OTUD4: variants seen among roughly 807,000 people sequenced by gnomAD.
The protein encoded by OTUD4 is OTU domain-containing protein 4.
OTUD4 carries 24 observed loss-of-function variants against 130.4 expected under a neutral mutation model. That is an observed-to-expected ratio of 0.18 (90% CI 0.13 to 0.26). OTUD4 has a LOEUF of 0.26. Among genes scored for constraint, OTUD4 ranks in the 10% least tolerant of loss-of-function variants. The probability of loss-of-function intolerance (pLI) is 1.00; values close to 1 mark genes in which losing one functional copy is unlikely to be tolerated. For synonymous variants in OTUD4, 420 were observed against 472.5 expected (o/e 0.89, Z 1.44); for missense variants, 1,031 against 1,329.4 (o/e 0.78, Z 3.49).
chr4:145,145,674 G>C (rs1750786357), intron 14 of OTUD4, among the ~76,000 whole-genome samples: 2 of 152,276 alleles, frequency 1.3e-5, no homozygotes, highest in South Asian at 4.1e-4. Flanking sequence ...CCCCTCCTCT[G>C]TGCTGCCAAC....
intron 13 of OTUD4, among the ~76,000 whole-genome samples, chr4:145,150,197 T>C (rs1457367884): frequency 6.6e-6 from 1 of 152,142 alleles, no homozygotes; most frequent in Non-Finnish European, 1.5e-5. Flanking sequence ...CAATCTGGAA[T>C]CCAGTATTTA....
At chr4:145,170,709 C>A (rs1025235762) in intron 3 of OTUD4, 2 of 152,248 alleles carry the variant, frequency 1.3e-5, no homozygotes, top group Non-Finnish European at 2.9e-5. Flanking sequence ...ATGGATACAT[C>A]AGTCATCGAT....
intron 3 of OTUD4, among the ~76,000 whole-genome samples, chr4:145,169,210 T>C (rs928814764): frequency 5.3e-5 from 8 of 152,226 alleles, no homozygotes; most frequent in Non-Finnish European, 2.9e-5. Flanking sequence ...ATGTTTGCTG[T>C]GGTGGTTACA....
chr4:145,179,995 C>G lies in OTUD4; in HGVS notation c.-22G>C. 1 of 1,473,202 alleles carries G rather than the reference C, an allele frequency of 6.8e-7. No individual in the cohort carries two copies. Among genetic ancestry groups the G allele is most frequent in the Non-Finnish European group, 8.9e-7 (1 of 1,122,858 alleles). 91.3% of individuals were successfully genotyped at this position (1,473,202 alleles called of 1,614,324 possible). On this transcript the variant is annotated 5_prime_UTR_variant, in exon 1 of 21. Coordinates refer to ENST00000447906, the MANE Select transcript of OTUD4 (RefSeq NM_001366057.1). ...CCATGTTGCTGGTCCTGCTGCAGGCCAGGCGCGGCGAGGGCTAGCCCCACA... is the reference window on the plus strand; with the variant it reads ...CCATGTTGCTGGTCCTGCTGCAGGCGAGGCGCGGCGAGGGCTAGCCCCACA...
At chr4:145,176,327 T>G (rs1050724494) in intron 1 of OTUD4, among the ~76,000 whole-genome samples, 2 of 151,734 alleles carry the variant, frequency 1.3e-5, no homozygotes, top group African/African-American at 4.8e-5. Context: ...ACACTTAAAG[T>G]AACACATTTC....
At chr4:145,141,722 T>C in intron 18 of OTUD4, 83 bp from the exon 19 acceptor site, 1 of 1,256,288 alleles carries the variant, frequency 8.0e-7, no homozygotes, top group Non-Finnish European at 1.1e-6. Flanking sequence ...TAAAGAATGC[T>C]GTATAACTGA....
intron 7 of OTUD4, 64 bp downstream of exon 7, chr4:145,159,439 A>G: frequency 1.2e-6 from 2 of 1,602,288 alleles, no homozygotes; most frequent in Non-Finnish European, 1.7e-6. Flanking sequence ...ACTGAAATGT[A>G]AAGACATTTA....
Position 145,138,170 on chromosome 4 carries a change from C to T in OTUD4, c.2605G>A (p.Gly869Arg). The T allele has an allele frequency of 6.2e-7, 1 of 1,613,930 alleles. No homozygotes were observed. Among genetic ancestry groups the T allele is most frequent in the Non-Finnish European group, 8.5e-7 (1 of 1,179,876 alleles). Residue 869 changes from glycine to arginine, a missense_variant, in exon 21 of 21, where the codon GGA becomes AGA. Around this residue, in one of 3 missense-constraint regions of OTUD4, gnomAD observed 900 missense variants for 1,095.9 expected, o/e 0.82. Coordinates refer to ENST00000447906, the MANE Select transcript of OTUD4 (RefSeq NM_001366057.1). ...CTCATTACTGGATTTTCTATGAATC[C>T]CTGAAAAGGGTACCCATACCAAACA... ...PHVWYGYPFQ[G>R]FIENPVMRQN...
intron 13 of OTUD4, among the ~76,000 whole-genome samples, chr4:145,149,213 T>TG (rs1209293162): frequency 1.1e-4 from 17 of 152,084 alleles, no homozygotes; most frequent in African/African-American, 3.6e-4. Flanking sequence ...CATGTGATGA[T>TG]GGAAGCAAAG....
At chr4:145,149,688 A>C (rs1286829384) in intron 13 of OTUD4, 1 of 152,246 alleles carries the variant, frequency 6.6e-6, no homozygotes, top group Non-Finnish European at 1.5e-5. Flanking sequence ...TGCATTCACA[A>C]AAAAAGGAAC....
At chr4:145,167,258 G>T (rs1029564031) in intron 3 of OTUD4, among the ~76,000 whole-genome samples, 2 of 152,164 alleles carry the variant, frequency 1.3e-5, no homozygotes, top group Non-Finnish European at 1.5e-5. Context: ...TGAAAGGAAA[G>T]AAAAACTGAA....
chr4:145,165,325 G>A, intron 3 of OTUD4, 128 bp from the exon 4 acceptor site: 2 of 551,868 alleles, frequency 3.6e-6, no homozygotes, highest in Admixed American at 3.1e-5. Context: ...TAGTAGTATT[G>A]TGAATATTAT....
intron 17 of OTUD4, among the ~76,000 whole-genome samples, 172 bp downstream of exon 17, chr4:145,143,193 C>G (rs1300059110): frequency 6.6e-6 from 1 of 152,152 alleles, no homozygotes; most frequent in Non-Finnish European, 1.5e-5. Flanking sequence ...AGAGAACATT[C>G]TAGACTAACA....
chr4:145,142,192 T>C lies in OTUD4; in HGVS notation c.1822+4A>G, dbSNP rs1175640787. 1 of 1,612,196 alleles carries C rather than the reference T, an allele frequency of 6.2e-7. No individual in the cohort carries two copies. Among genetic ancestry groups the C allele is most frequent in the South Asian group, 1.1e-5 (1 of 90,640 alleles). On this transcript the variant is annotated splice_donor_region_variant and intron_variant, in intron 18 of 20. Transcript: ENST00000447906. ...TGGCTAGATTTTCTAAACCCTTCTC[T>C]AACCTGTTGGTCCAAAAGTTGTAGG...
At chr4:145,174,772 A>G (rs904915676) in intron 1 of OTUD4, 28 bp from the exon 2 acceptor site, 10 of 1,334,322 alleles carry the variant, frequency 7.5e-6, no homozygotes, top group Admixed American at 1.7e-5. Context: ...CAAACACACT[A>G]TTAAGCATTT....
Position 145,137,635 on chromosome 4 carries a change from T to C in OTUD4, c.3140A>G (p.Tyr1047Cys), listed in dbSNP as rs756210030. 3.1e-6 allele frequency: 5 copies of C among 1,613,558 alleles called. No homozygotes were observed. In the Admixed American group the frequency reaches 5.0e-5, roughly 16 times the overall value. The change falls in exon 21 of 21, where the codon TAT becomes TGT. Residue 1047 changes from tyrosine (Y) to cysteine (C), a missense_variant. Coordinates refer to ENST00000447906, the MANE Select transcript of OTUD4 (RefSeq NM_001366057.1). ...GRSKQFYNQT[Y>C]GSRKYKSDWG... ...ATCACTTTTGTACTTCCTGCTTCCATAAGTTTGATTATAGAACTGCTTGGA... is the reference window on the plus strand; with the variant it reads ...ATCACTTTTGTACTTCCTGCTTCCACAAGTTTGATTATAGAACTGCTTGGA...
At chr4:145,172,501 TAACAC>T (rs1752221194) in intron 2 of OTUD4, among the ~76,000 whole-genome samples, 1 of 152,224 alleles carries the variant, frequency 6.6e-6, no homozygotes, top group African/African-American at 2.4e-5. Flanking sequence ...AGCTGTGTAA[TAACAC>T]AACCTTTTTT....
intron 11 of OTUD4, 44 bp downstream of exon 11, chr4:145,152,497 A>G: frequency 9.6e-7 from 1 of 1,044,832 alleles, no homozygotes; most frequent in South Asian, 1.4e-5. Flanking sequence ...GATTAGGCTA[A>G]ATGGAGGAGG....
intron 13 of OTUD4, among the ~76,000 whole-genome samples, chr4:145,150,119 A>G (rs1274835634): frequency 1.3e-5 from 2 of 152,192 alleles, no homozygotes; most frequent in Non-Finnish European, 2.9e-5. Flanking sequence ...AAGTAAACCA[A>G]TAATTTTGGG....
Sources: gnomAD v4.1 joint callset for allele counts (sites outside exome capture counted in the v4.1 genomes callset) on GRCh38, gnomAD v4.1.1 for gene constraint, gnomAD v4.1.1 regional missense constraint, MANE v1.5 for transcripts, NCBI Gene and HGNC (gene_info 2026-07-23, HGNC 2026-07-21) for gene names.